The following KYNU variants were observed in gnomAD, a reference collection of about 807,000 sequenced individuals.
KYNU encodes kynureninase.
In KYNU, 54 loss-of-function variants were observed where a neutral mutation model predicts 59.2. The ratio of observed to expected loss-of-function variants is 0.91; its 90% CI spans 0.73 to 1.14. KYNU has a LOEUF of 1.14. Among genes scored for constraint, KYNU ranks in the 50% most tolerant of loss-of-function variants. The probability of loss-of-function intolerance (pLI) is 0.00; values close to 1 mark genes in which losing one functional copy is unlikely to be tolerated. For synonymous variants in KYNU, 177 were observed against 192.0 expected (o/e 0.92, Z 0.65); for missense variants, 567 against 554.4 (o/e 1.02, Z -0.23).
At chr2:142,910,916 TC>T (rs972958247) in intron 2 of KYNU, among the ~76,000 whole-genome samples, 4 of 152,210 alleles carry the variant, frequency 2.6e-5, no homozygotes, top group Non-Finnish European at 5.9e-5. Context: ...TCTAACCTGT[TC>T]TATTGGTCTA....
At chr2:142,918,847 G>GC in intron 3 of KYNU, 118 bp downstream of exon 3, 1 of 1,197,448 alleles carries the variant, frequency 8.4e-7, no homozygotes, top group Non-Finnish European at 1.2e-6. Flanking sequence ...TCATCCCTTG[G>GC]CATCTGTGGA....
At position 143,050,831 on chromosome 2, in the gene KYNU, G is replaced by T. The variant is rs534580665; in HGVS notation, c.*8659G>T. 4 of 152,170 alleles carry T rather than the reference G, an allele frequency of 2.6e-5. No individual in the cohort carries two copies. In the South Asian group the frequency reaches 8.3e-4, roughly 32 times the overall value. The allele number at this position is 152,170 out of a possible 1,614,324, so 9.4% of individuals were successfully genotyped here. A position where few individuals can be genotyped will look rare whatever the true frequency, so the allele number is the denominator to read the frequency against. On this transcript the variant is annotated 3_prime_UTR_variant, in exon 14 of 14. Transcript: ENST00000264170. Reference sequence around the variant, plus strand: ...TTTTCTCCATAAACTGAAGTTGTTAGAACATTGATTTTTTTAAGTAAATGG... The same window carrying T: ...TTTTCTCCATAAACTGAAGTTGTTATAACATTGATTTTTTTAAGTAAATGG...
intron 1 of KYNU, among the ~76,000 whole-genome samples, chr2:142,883,584 G>A (rs1299773242): frequency 6.6e-6 from 1 of 151,874 alleles, no homozygotes; most frequent in East Asian, 1.9e-4. Context: ...CCTCCCTAGT[G>A]CATTTAGTTG....
intron 10 of KYNU, among the ~76,000 whole-genome samples, chr2:143,006,288 G>T (rs571397578): frequency 6.6e-6 from 1 of 151,998 alleles, no homozygotes; most frequent in African/African-American, 2.4e-5. Context: ...TCAAAGAAAG[G>T]GGTGACGGAC....
intron 4 of KYNU, among the ~76,000 whole-genome samples, chr2:142,949,046 A>C (rs750433875): frequency 3.9e-5 from 6 of 152,256 alleles, no homozygotes; most frequent in Non-Finnish European, 8.8e-5. Context: ...TGCAAGTCCA[A>C]AATCCAGTGG....
chr2:142,912,533 C>T (rs1008208654), intron 2 of KYNU, among the ~76,000 whole-genome samples: 11 of 151,484 alleles, frequency 7.3e-5, no homozygotes, highest in Admixed American at 2.6e-4. Context: ...GCATGTGCCA[C>T]CGCACCCAGC....
chr2:143,023,331 C>T (rs1402238147), intron 10 of KYNU, among the ~76,000 whole-genome samples: 3 of 151,766 alleles, frequency 2.0e-5, no homozygotes, highest in Non-Finnish European at 4.4e-5. Context: ...TACTCAGATA[C>T]CATGGTCAGC....
At chr2:143,002,848 T>G (rs928254472) in intron 10 of KYNU, among the ~76,000 whole-genome samples, 4 of 152,260 alleles carry the variant, frequency 2.6e-5, no homozygotes, top group Admixed American at 2.6e-4. Context: ...ATATTATCTT[T>G]GATATGTAAA....
chr2:142,933,444 T>A (rs943686985), intron 4 of KYNU, among the ~76,000 whole-genome samples: 24 of 151,940 alleles, frequency 1.6e-4, no homozygotes, highest in Non-Finnish European at 5.9e-5. Context: ...GTTTGGCAAG[T>A]AGAGCGAAGG....
chr2:142,940,554 C>G lies in KYNU; in HGVS notation c.373+12813C>G, dbSNP rs79755669. 8.0e-3 allele frequency among the ~76,000 whole-genome samples: 1,213 copies of G among 152,264 alleles called. 14 individuals are homozygous for G. The highest frequency in any genetic ancestry group is 0.028 in the African/African-American group (1,169 of 41,534). On this transcript the variant is annotated intron_variant, in intron 4 of 13. Coordinates refer to ENST00000264170, the MANE Select transcript of KYNU (RefSeq NM_003937.3). ...CATAAAGATCACTGAAATTTCAAAC[C>G]TGTCACCTTTCATTATTGTTACTAA...
intron 10 of KYNU, among the ~76,000 whole-genome samples, chr2:142,995,765 C>T (rs1014965812): frequency 2.0e-5 from 3 of 152,066 alleles, no homozygotes; most frequent in Non-Finnish European, 4.4e-5. Flanking sequence ...GCTTTTGTCA[C>T]TTAGCCATAC....
intron 10 of KYNU, among the ~76,000 whole-genome samples, chr2:143,027,056 G>A (rs765236268): frequency 4.6e-5 from 7 of 152,136 alleles, no homozygotes; most frequent in Non-Finnish European, 1.0e-4. Flanking sequence ...TTCTCACTTT[G>A]GGCTGTGGTT....
intron 8 of KYNU, among the ~76,000 whole-genome samples, chr2:142,974,831 C>T (rs1056530633): frequency 1.3e-5 from 2 of 152,174 alleles, no homozygotes; most frequent in Non-Finnish European, 2.9e-5. Flanking sequence ...GAAAGACAAG[C>T]ATCAGCTTGC....
chr2:143,009,086 CA>C (rs1245078457), intron 10 of KYNU, among the ~76,000 whole-genome samples: 1 of 118,160 alleles, frequency 8.5e-6, no homozygotes, highest in Non-Finnish European at 1.7e-5. Context: ...AATAGAGACA[CA>C]AAAAACCCTT....
intron 4 of KYNU, among the ~76,000 whole-genome samples, chr2:142,928,595 C>A (rs1308424462): frequency 6.6e-6 from 1 of 152,028 alleles, no homozygotes; most frequent in Non-Finnish European, 1.5e-5. Flanking sequence ...TGGACTTATG[C>A]ATAGAAAAAA....
chr2:142,911,223 C>A (rs1342568122), intron 2 of KYNU, among the ~76,000 whole-genome samples: 1 of 152,052 alleles, frequency 6.6e-6, no homozygotes, highest in Non-Finnish European at 1.5e-5. Flanking sequence ...TTTGTGTCAT[C>A]TATAATTTTT....
intron 1 of KYNU, among the ~76,000 whole-genome samples, chr2:142,883,316 T>A (rs1681371817): frequency 6.7e-6 from 1 of 148,788 alleles, no homozygotes; most frequent in African/African-American, 2.5e-5. Flanking sequence ...TGCCTCAGCT[T>A]CCCGAGTAGC....
chr2:142,895,689 T>A (rs1681846111), intron 2 of KYNU, among the ~76,000 whole-genome samples: 2 of 152,142 alleles, frequency 1.3e-5, no homozygotes, highest in Non-Finnish European at 2.9e-5. Context: ...ATTCTTTTTT[T>A]ATTTTTATTT....
At chr2:143,023,772 C>A (rs1343468326) in intron 10 of KYNU, among the ~76,000 whole-genome samples, 3 of 150,682 alleles carry the variant, frequency 2.0e-5, no homozygotes, top group African/African-American at 7.3e-5. Flanking sequence ...CCTTAAATAT[C>A]AAAATAAGTA....
Sources: allele counts gnomAD v4.1 joint callset (sites outside exome capture counted in the v4.1 genomes callset), GRCh38; gene constraint gnomAD v4.1.1; transcripts MANE v1.5; gene names NCBI Gene and HGNC (gene_info 2026-07-23, HGNC 2026-07-21).